The following TYW1B variants were observed in gnomAD, a reference collection of about 807,000 sequenced individuals.
The protein encoded by TYW1B is S-adenosyl-L-methionine-dependent tRNA 4-demethylwyosine synthase TYW1B.
Under a neutral mutation model 86.9 loss-of-function variants are expected in TYW1B, and 73 were observed. The ratio of observed to expected loss-of-function variants is 0.84; its 90% confidence interval spans 0.70 to 1.02. The LOEUF is 1.02. TYW1B is among the 50% of genes least tolerant of loss of function. The probability of loss-of-function intolerance (pLI) is 0.00; values close to 1 mark genes in which losing one functional copy is unlikely to be tolerated. For synonymous variants in TYW1B, 248 were observed against 292.8 expected (o/e 0.85, Z 1.56); for missense variants, 637 against 827.4 (o/e 0.77, Z 2.82).
At chr7:72,678,800 A>G (rs1813801288) in intron 11 of TYW1B, among the ~76,000 whole-genome samples, 1 of 151,980 alleles carries the variant, frequency 6.6e-6, no homozygotes, top group Admixed American at 6.6e-5. Flanking sequence ...TCAGCCTCCC[A>G]AAGTGCTGGG....
At chr7:72,631,062 A>G (rs1812474677) in intron 11 of TYW1B, among the ~76,000 whole-genome samples, 2 of 152,158 alleles carry the variant, frequency 1.3e-5, no homozygotes, top group South Asian at 4.1e-4. Flanking sequence ...AAGGTATCTG[A>G]TATAGTTTAA....
chr7:72,624,783 C>T (rs1423232869), intron 12 of TYW1B, among the ~76,000 whole-genome samples: 3 of 152,122 alleles, frequency 2.0e-5, no homozygotes, highest in Non-Finnish European at 4.4e-5. Flanking sequence ...TTAAGCCAGG[C>T]GTGGTGGCTC....
At chr7:72,786,551 CAA>C (rs1554472471) in intron 6 of TYW1B, among the ~76,000 whole-genome samples, 2 of 149,476 alleles carry the variant, frequency 1.3e-5, no homozygotes, top group African/African-American at 4.9e-5. Context: ...CCACTATAAA[CAA>C]AGTTTTTAAA....
At chr7:72,716,616 A>G (rs1442732604) in intron 9 of TYW1B, among the ~76,000 whole-genome samples, 2 of 142,674 alleles carry the variant, frequency 1.4e-5, no homozygotes, top group Admixed American at 1.4e-4. Context: ...AGTGAACGAG[A>G]CATAGGGGCT....
At chr7:72,706,568 G>T (rs1814621312) in intron 10 of TYW1B, among the ~76,000 whole-genome samples, 1 of 151,984 alleles carries the variant, frequency 6.6e-6, no homozygotes, top group Non-Finnish European at 1.5e-5. Flanking sequence ...CCATTGTTCT[G>T]GGACTATGTG....
intron 10 of TYW1B, among the ~76,000 whole-genome samples, chr7:72,709,001 A>C (rs1484116191): frequency 1.3e-5 from 2 of 152,180 alleles, no homozygotes; most frequent in Admixed American, 1.3e-4. Context: ...GTTGTCTTAT[A>C]CTTAGGACTT....
intron 1 of TYW1B, among the ~76,000 whole-genome samples, chr7:72,827,549 CAAGAG>C (rs1330835571): frequency 6.6e-6 from 1 of 152,036 alleles, no homozygotes; most frequent in African/African-American, 2.4e-5. Context: ...CATTTAGAAG[CAAGAG>C]AAGGAACATA....
intron 3 of TYW1B, among the ~76,000 whole-genome samples, chr7:72,810,957 A>C (rs1230631008): frequency 1.3e-5 from 2 of 151,970 alleles, no homozygotes; most frequent in African/African-American, 4.8e-5. Flanking sequence ...GCCACAGTGG[A>C]AACAAAATCC....
intron 13 of TYW1B, among the ~76,000 whole-genome samples, chr7:72,606,355 G>T (rs1234838724): frequency 1.3e-5 from 2 of 152,124 alleles, no homozygotes; most frequent in African/African-American, 2.4e-5. Flanking sequence ...GGGGAACCTA[G>T]ACTCCCACCT....
At position 72,826,980 on chromosome 7, in the gene TYW1B, A is replaced by T; in HGVS notation, c.10T>A (p.Ser4Thr). 6.2e-7 allele frequency: 1 copy of T among 1,604,316 alleles called. No homozygotes were observed. Among genetic ancestry groups the T allele is most frequent in the South Asian group, 1.1e-5 (1 of 89,232 alleles). Residue 4 changes from serine to threonine, a missense_variant, in exon 2 of 14, where the codon TCT (serine) becomes ACT (threonine). Coordinates refer to ENST00000620995, the MANE Select transcript of TYW1B (RefSeq NM_001145440.3). ...GAGGAGAGGTCCCATGTATCCGCAG[A>T]AGGATCTAAATTTAAAATGACACAC... MDP[S>T]ADTWDLSSPL... is the part of the protein sequence containing the mutation.
At chr7:72,749,286 T>C (rs1291124009) in intron 7 of TYW1B, among the ~76,000 whole-genome samples, 2 of 152,162 alleles carry the variant, frequency 1.3e-5, no homozygotes, top group Non-Finnish European at 2.9e-5. Flanking sequence ...ATTCCTGATA[T>C]TGATGACTTG....
intron 11 of TYW1B, among the ~76,000 whole-genome samples, chr7:72,637,359 T>C (rs1554440911): frequency 6.6e-6 from 1 of 151,846 alleles, no homozygotes; most frequent in Non-Finnish European, 1.5e-5. Flanking sequence ...CTAGTATTAA[T>C]TTTCTTAAGC....
intron 11 of TYW1B, among the ~76,000 whole-genome samples, chr7:72,662,965 T>C (rs1177341014): frequency 6.6e-6 from 1 of 152,234 alleles, no homozygotes; most frequent in Non-Finnish European, 1.5e-5. Flanking sequence ...GATCATTCTT[T>C]TTTATTTCCC....
chr7:72,630,836 C>A (rs566200287), intron 11 of TYW1B, among the ~76,000 whole-genome samples: 2 of 152,074 alleles, frequency 1.3e-5, no homozygotes, highest in Admixed American at 6.6e-5. Flanking sequence ...CCTTCCAATG[C>A]CAAAAGCTAA....
intron 7 of TYW1B, among the ~76,000 whole-genome samples, chr7:72,763,277 C>CTTTTTTTTTT (rs1197936704): frequency 9.0e-6 from 1 of 111,620 alleles, no homozygotes; most frequent in Non-Finnish European, 2.0e-5. Flanking sequence ...TTTTTCTTTT[C>CTTTTTTTTTT]TTTTCTTTTT....
intron 6 of TYW1B, among the ~76,000 whole-genome samples, chr7:72,789,300 A>ATTTTTATAT (rs1315692032): frequency 6.6e-6 from 1 of 151,688 alleles, no homozygotes; most frequent in African/African-American, 2.4e-5. Context: ...CGCCAGGCTA[A>ATTTTTATAT]TTTTTATATT....
intron 12 of TYW1B, among the ~76,000 whole-genome samples, chr7:72,618,479 G>A (rs1554437350): frequency 1.3e-5 from 2 of 152,046 alleles, no homozygotes; most frequent in Non-Finnish European, 2.9e-5. Context: ...GGCCTCCCAT[G>A]TGCTGGGATT....
intron 6 of TYW1B, among the ~76,000 whole-genome samples, chr7:72,787,971 T>C (rs1461804801): frequency 1.3e-5 from 1 of 74,984 alleles, no homozygotes; most frequent in Non-Finnish European, 3.6e-5. Context: ...ATATTCCATC[T>C]ACTTGTCATT....
chr7:72,771,514 T>C (rs1445115011), intron 7 of TYW1B, among the ~76,000 whole-genome samples: 1 of 152,112 alleles, frequency 6.6e-6, no homozygotes, highest in East Asian at 1.9e-4. Context: ...AATAGTAAAT[T>C]TATTGACAGT....
Sources: gnomAD v4.1 joint callset for allele counts (sites outside exome capture counted in the v4.1 genomes callset) on GRCh38, gnomAD v4.1.1 for gene constraint, MANE v1.5 for transcripts, NCBI Gene and HGNC (gene_info 2026-07-23, HGNC 2026-07-21) for gene names.